Variants in RAB27B observed in about 807,000 individuals in gnomAD.
RAB27B encodes ras-related protein Rab-27B.
RAB27B carries 15 observed loss-of-function variants against 24.6 expected under a neutral mutation model. The ratio of observed to expected loss-of-function variants is 0.61; its 90% CI spans 0.41 to 0.94. The LOEUF (loss-of-function observed/expected upper bound fraction) is 0.94. Among genes scored for constraint, RAB27B ranks in the 40% least tolerant of loss-of-function variants. The pLI, the probability that RAB27B is intolerant of heterozygous loss-of-function variation, is 0.00. For synonymous variants in RAB27B, 105 were observed against 92.5 expected (o/e 1.14, Z -0.78); for missense variants, 261 against 266.8 (o/e 0.98, Z 0.15).
chr18:54,853,057 C>T (rs1255597058), intron 1 of RAB27B, among the ~76,000 whole-genome samples: 1 of 152,144 alleles, frequency 6.6e-6, no homozygotes, highest in African/African-American at 2.4e-5. Context: ...AATTCTATTC[C>T]TGGCTTAGCT....
intron 2 of RAB27B, chr18:54,745,489 ACTCAAGACTGGAG>A (rs1248490707): frequency 6.5e-6 from 1 of 154,444 alleles, no homozygotes; most frequent in Non-Finnish European, 1.4e-5. Context: ...GCAGTTCCCT[ACTCAAGACTGGAG>A]CTCTTGGCCT....
rs189832832 is a variant in RAB27B, at chr18:54,730,582, C to G, written c.-20+12441C>G. On this transcript the variant is annotated intron_variant, in intron 2 of 4. Transcript: ENST00000586570. ...TGGGGCCCGGTGGAGGTGTTTGGGT[C>G]ACGGGGGTTGATGCCTCATGAATGG... Among the ~76,000 whole-genome samples, 44 of 151,984 alleles carry G rather than the reference C, an allele frequency of 2.9e-4. No individual in the cohort carries two copies. The East Asian group carries it at 7.8e-3, about 27-fold the overall frequency.
intron 2 of RAB27B, among the ~76,000 whole-genome samples, chr18:54,738,352 G>A (rs1909965366): frequency 6.6e-6 from 1 of 152,128 alleles, no homozygotes; most frequent in Non-Finnish European, 1.5e-5. Context: ...CATGTATTGA[G>A]GGAGGGATCT....
chr18:54,856,641 G>T (rs1239831346), intron 1 of RAB27B, among the ~76,000 whole-genome samples: 1 of 152,218 alleles, frequency 6.6e-6, no homozygotes, highest in Non-Finnish European at 1.5e-5. Flanking sequence ...ACAGAACAGG[G>T]AATGTCAACT....
chr18:54,850,746 A>G (rs1359186778), intron 1 of RAB27B, among the ~76,000 whole-genome samples: 3 of 151,458 alleles, frequency 2.0e-5, no homozygotes, highest in Admixed American at 6.6e-5. Context: ...CTTTTCCTTT[A>G]TGCACTGATA....
intron 2 of RAB27B, among the ~76,000 whole-genome samples, chr18:54,797,445 G>A (rs192095686): frequency 6.6e-6 from 1 of 152,300 alleles, no homozygotes; most frequent in East Asian, 1.9e-4. Flanking sequence ...GACCCTGGGA[G>A]GTGGAGGTTG....
chr18:54,891,150 C>G lies in RAB27B; in HGVS notation c.*1737C>G. 6.6e-6 allele frequency: 1 copy of G among 151,980 alleles called. No individual in the cohort carries two copies. The highest frequency in any genetic ancestry group is 3.2e-3 in the Middle Eastern group (1 of 314). 9.4% of individuals were successfully genotyped at this position (151,980 alleles called of 1,614,324 possible). A position where few individuals can be genotyped will look rare whatever the true frequency, so the allele number is the denominator to read the frequency against. The stretch of plus-strand genomic sequence containing the variant: ...CAGTCCATCATTCAGCTTACCTCTG[C>G]GAACTTCTATCTGGTATTGAATCAG... On this transcript the variant is annotated 3_prime_UTR_variant, in exon 6 of 6. Transcript: ENST00000262094.
rs1913265044 is a variant in RAB27B at position 54,889,207 on chromosome 18, C to T, written c.468-17C>T. 1 of 1,585,998 alleles carries T rather than the reference C, an allele frequency of 6.3e-7. No homozygotes were observed. Among genetic ancestry groups the T allele is most frequent in the Non-Finnish European group, 8.6e-7 (1 of 1,167,654 alleles). On this transcript the variant is annotated splice_polypyrimidine_tract_variant and intron_variant, in intron 5 of 5. Transcript: ENST00000262094. ...ATTTCTTCCTCTCAAAAATATTTGC[C>T]ATCCTTTCTATGCTAGCATACCATA...
intron 3 of RAB27B, chr18:54,880,005 G>A (rs943919558): frequency 6.5e-6 from 1 of 153,122 alleles, no homozygotes; most frequent in Non-Finnish European, 1.5e-5. Context: ...TATGAAGCCT[G>A]TCTGAACATC....
upstream of RAB27B, among the ~76,000 whole-genome samples, chr18:54,826,892 C>G (rs1910493564): frequency 6.6e-6 from 1 of 152,182 alleles, no homozygotes; most frequent in African/African-American, 2.4e-5. Flanking sequence ...AGATGAAACT[C>G]TATTGCATAC....
intron 1 of RAB27B, among the ~76,000 whole-genome samples, chr18:54,834,239 C>T (rs1220962789): frequency 6.6e-6 from 1 of 152,168 alleles, no homozygotes; most frequent in Non-Finnish European, 1.5e-5. Context: ...TAGGTAGCTA[C>T]AGCTGTATTC....
chr18:54,760,452 T>C (rs992702457), intron 2 of RAB27B, among the ~76,000 whole-genome samples: 1 of 152,126 alleles, frequency 6.6e-6, no homozygotes, highest in Non-Finnish European at 1.5e-5. Flanking sequence ...TGAAATGCTA[T>C]GAAGGGTTTT....
Position 54,838,435 on chromosome 18 carries a change from A to G in RAB27B, c.-20+9735A>G, listed in dbSNP as rs192748903. Among the ~76,000 whole-genome samples, 3 of 152,180 alleles carry G rather than the reference A, an allele frequency of 2.0e-5. No homozygotes were observed. In the East Asian group the frequency reaches 5.8e-4, roughly 29 times the overall value. On this transcript the variant is annotated intron_variant, in intron 1 of 5. Transcript: ENST00000262094. ...AAAAGTTTGGGGAATATTCTATTAC[A>G]TTTATAAAAATTCTTTATACCACCA...
rs980336456 is a variant in RAB27B, at chr18:54,822,910, C to T, written c.-19-54657C>T. The stretch of plus-strand genomic sequence containing the variant: ...TTTGGGCCTTTCCCACAGCATGTTC[C>T]TCTAACATAAGAAGAAAAAATTAGA... On this transcript the variant is annotated intron_variant, in intron 2 of 4. Coordinates refer to the RAB27B transcript ENST00000586570. 2.0e-5 allele frequency among the ~76,000 whole-genome samples: 3 copies of T among 152,132 alleles called. 1 individual carries two copies. Among genetic ancestry groups the T allele is most frequent in the South Asian group, 4.1e-4 (2 of 4,828 alleles).
rs146720135 is a variant in RAB27B, at chr18:54,844,499, C to T, written c.-20+15799C>T. ...GTCTCACTGCAAAAACTCCACCTCC[C>T]GGTTTCAAGTGATTCTCCTACCTCA... On this transcript the variant is annotated intron_variant, in intron 1 of 5. Coordinates refer to ENST00000262094, the MANE Select transcript of RAB27B (RefSeq NM_004163.4). 2.1e-3 allele frequency among the ~76,000 whole-genome samples: 319 copies of T among 148,962 alleles called. 2 individuals are homozygous for T. The highest frequency in any genetic ancestry group is 7.1e-3 in the African/African-American group (288 of 40,470).
intron 3 of RAB27B, chr18:54,879,850 G>T: frequency 6.0e-6 from 1 of 167,530 alleles, no homozygotes; most frequent in Non-Finnish European, 1.3e-5. Context: ...TTTCAGCACA[G>T]CCTCTTTGTC....
chr18:54,829,641 TATTC>T (rs759744166), intron 1 of RAB27B, among the ~76,000 whole-genome samples: 9 of 152,216 alleles, frequency 5.9e-5, no homozygotes, highest in East Asian at 1.9e-4. Flanking sequence ...TATTCACACA[TATTC>T]ATTCATATAT....
chr18:54,719,324 A>G (rs1419820403), intron 2 of RAB27B, among the ~76,000 whole-genome samples: 2 of 152,068 alleles, frequency 1.3e-5, no homozygotes, highest in Non-Finnish European at 2.9e-5. Context: ...AACACTCTTT[A>G]TTTGGTAAAC....
intron 2 of RAB27B, among the ~76,000 whole-genome samples, chr18:54,790,071 G>C (rs1909201872): frequency 6.6e-6 from 1 of 152,058 alleles, no homozygotes; most frequent in Non-Finnish European, 1.5e-5. Context: ...AATTAATGAA[G>C]TTGAGCAATG....
Sources: gnomAD v4.1 joint callset for allele counts (sites outside exome capture counted in the v4.1 genomes callset) on GRCh38, gnomAD v4.1.1 for gene constraint, MANE v1.5 for transcripts, NCBI Gene and HGNC (gene_info 2026-07-23, HGNC 2026-07-21) for gene names.